The following SEMA3A variants were observed in gnomAD, a reference collection of about 807,000 sequenced individuals.
SEMA3A encodes semaphorin-3A.
In SEMA3A, 29 loss-of-function variants were observed where a neutral mutation model predicts 97.9. The observed-to-expected ratio is 0.30, with a 90% CI of 0.22 to 0.40. SEMA3A has a LOEUF of 0.40. SEMA3A is among the 10% of genes least tolerant of loss of function. The pLI, the probability that SEMA3A is intolerant of heterozygous loss-of-function variation, is 1.00. For synonymous variants in SEMA3A, 321 were observed against 323.7 expected, an observed-to-expected ratio of 0.99 and a Z score of 0.09; for missense variants, 763 against 951.3, an observed-to-expected ratio of 0.80 and a Z score of 2.60.
At chr7:84,336,626 T>C (rs1349672558) in intron 2 of SEMA3A, among the ~76,000 whole-genome samples, 1 of 152,112 alleles carries the variant, frequency 6.6e-6, no homozygotes, top group Non-Finnish European at 1.5e-5. Flanking sequence ...GGGAGAAATG[T>C]GCTGAAGGAG....
chr7:84,258,647 C>A (rs1330691067), intron 3 of SEMA3A, among the ~76,000 whole-genome samples: 1 of 152,094 alleles, frequency 6.6e-6, no homozygotes, highest in African/African-American at 2.4e-5. Context: ...TGCTTCAGGT[C>A]ACAATGCATA....
chr7:83,962,625 T>C (rs1024583213), intron 16 of SEMA3A, among the ~76,000 whole-genome samples: 1 of 152,202 alleles, frequency 6.6e-6, no homozygotes, highest in Admixed American at 6.6e-5. Context: ...AGGCTCGTAG[T>C]GCTCACTAAG....
intron 1 of SEMA3A, among the ~76,000 whole-genome samples, chr7:84,149,540 T>C (rs1261605901): frequency 5.3e-5 from 8 of 152,180 alleles, no homozygotes; most frequent in Admixed American, 1.3e-4. Context: ...TCTAGACCAA[T>C]GCAGGACACA....
intron 1 of SEMA3A, among the ~76,000 whole-genome samples, chr7:84,386,314 T>C (rs561648097): frequency 1.3e-5 from 2 of 152,324 alleles, no homozygotes; most frequent in East Asian, 3.9e-4. Flanking sequence ...GGCACTGTTT[T>C]TGCAGCAGCT....
At chr7:83,979,425 T>C (rs1412690001) in intron 14 of SEMA3A, among the ~76,000 whole-genome samples, 1 of 152,030 alleles carries the variant, frequency 6.6e-6, no homozygotes, top group African/African-American at 2.4e-5. Flanking sequence ...AGCCACGGTG[T>C]CGGGCTGAAT....
intron 4 of SEMA3A, among the ~76,000 whole-genome samples, chr7:84,094,933 G>A (rs1016218428): frequency 3.3e-5 from 5 of 151,618 alleles, no homozygotes; most frequent in Non-Finnish European, 7.4e-5. Flanking sequence ...TACATTTACA[G>A]ATATATATCC....
intron 6 of SEMA3A, among the ~76,000 whole-genome samples, chr7:84,043,364 T>A (rs537117664): frequency 6.6e-6 from 1 of 152,172 alleles, no homozygotes; most frequent in South Asian, 2.1e-4. Flanking sequence ...AAGTTACAAT[T>A]TTAGAGAACT....
intron 1 of SEMA3A, among the ~76,000 whole-genome samples, chr7:84,156,051 T>C (rs371477590): frequency 1.4e-4 from 21 of 152,270 alleles, no homozygotes; most frequent in South Asian, 6.2e-4. Flanking sequence ...GTTAAAATGA[T>C]TCCAATTTTT....
intron 2 of SEMA3A, among the ~76,000 whole-genome samples, chr7:84,311,513 C>T (rs1336778539): frequency 6.6e-6 from 1 of 151,722 alleles, no homozygotes; most frequent in Non-Finnish European, 1.5e-5. Context: ...AACCAGATTA[C>T]AGGGTTTTTT....
intron 1 of SEMA3A, among the ~76,000 whole-genome samples, chr7:84,444,933 C>T (rs1805369697): frequency 6.6e-6 from 1 of 152,112 alleles, no homozygotes; most frequent in Non-Finnish European, 1.5e-5. Context: ...CATCTTTCTT[C>T]ACCCAAGCTT....
rs138825798 is a variant in SEMA3A, at chr7:84,400,822, T to C, written c.-245-28922A>G. 6.9e-3 allele frequency among the ~76,000 whole-genome samples: 1,048 copies of C among 152,324 alleles called. 5 individuals are homozygous for C. The highest frequency in any genetic ancestry group is 0.011 in the Non-Finnish European group (738 of 68,032). The stretch of plus-strand genomic sequence containing the variant: ...CAAAAGCATTCAATAACATTCAACA[T>C]CCTTTCATGACCAAAGCTCTCAACA... On this transcript the variant is annotated intron_variant, in intron 1 of 3. Coordinates refer to the SEMA3A transcript ENST00000424555.
intron 5 of SEMA3A, among the ~76,000 whole-genome samples, chr7:84,056,566 T>C (rs991232176): frequency 2.7e-5 from 4 of 150,110 alleles, no homozygotes; most frequent in African/African-American, 9.8e-5. Flanking sequence ...ACCAAAGAAA[T>C]TAGAAACAGA....
chr7:84,482,466 A>G lies in SEMA3A; in HGVS notation c.-246+9994T>C, dbSNP rs544062972. 2.6e-4 allele frequency among the ~76,000 whole-genome samples: 39 copies of G among 152,296 alleles called. 1 individual carries two copies. The South Asian group carries it at 7.9e-3, about 31-fold the overall frequency. On this transcript the variant is annotated intron_variant, in intron 1 of 3. Transcript: ENST00000424555. ...TTAAATTCTAATCAATAGCATTGGC[A>G]ATAACATAGTAAATGAAGCTAAAAT...
intron 1 of SEMA3A, among the ~76,000 whole-genome samples, chr7:84,398,245 G>A (rs1483668835): frequency 1.3e-5 from 2 of 152,062 alleles, no homozygotes; most frequent in Non-Finnish European, 2.9e-5. Context: ...GAAACTAATA[G>A]TAGCTACAAT....
intron 1 of SEMA3A, among the ~76,000 whole-genome samples, chr7:84,392,101 G>C (rs1347383193): frequency 6.6e-6 from 1 of 152,188 alleles, no homozygotes; most frequent in East Asian, 1.9e-4. Context: ...TTTTTGCGAT[G>C]AGAACATTTG....
At chr7:84,259,221 G>C (rs908919113) in intron 3 of SEMA3A, among the ~76,000 whole-genome samples, 14 of 152,128 alleles carry the variant, frequency 9.2e-5, no homozygotes, top group Admixed American at 6.6e-5. Flanking sequence ...TAGGTGATAG[G>C]TTTTATGGGA....
At chr7:84,272,053 C>CA (rs372516130) in intron 3 of SEMA3A, among the ~76,000 whole-genome samples, 2 of 152,138 alleles carry the variant, frequency 1.3e-5, no homozygotes, top group East Asian at 1.9e-4. Flanking sequence ...TAGATATACT[C>CA]AGAGTGTCTA....
intron 2 of SEMA3A, among the ~76,000 whole-genome samples, chr7:84,341,700 T>C (rs1219649266): frequency 6.6e-6 from 1 of 152,100 alleles, no homozygotes; most frequent in East Asian, 1.9e-4. Flanking sequence ...AATAGCCTCT[T>C]TATTATCACA....
intron 6 of SEMA3A, among the ~76,000 whole-genome samples, chr7:84,021,955 C>T (rs1453804307): frequency 6.6e-6 from 1 of 152,080 alleles, no homozygotes; most frequent in Non-Finnish European, 1.5e-5. Context: ...TATACAATGG[C>T]AGGTTTTCAA....
Sources: allele counts gnomAD v4.1 joint callset (sites outside exome capture counted in the v4.1 genomes callset), GRCh38; gene constraint gnomAD v4.1.1; transcripts MANE v1.5; gene names NCBI Gene and HGNC (gene_info 2026-07-23, HGNC 2026-07-21).